TLN2: variants seen among roughly 807,000 people sequenced by gnomAD.
TLN2 encodes the protein talin 2.
In TLN2, 118 loss-of-function variants were observed where a neutral mutation model predicts 294.7. The ratio of observed to expected loss-of-function variants is 0.40; its 90% CI spans 0.34 to 0.47. The LOEUF is 0.47. Ranked by LOEUF, TLN2 falls within the 20% of genes least tolerant of loss-of-function variation. TLN2 has a pLI of 0.84. For missense variants in TLN2, 3,083 were observed against 3,282.2 expected (o/e 0.94, Z 1.48); for synonymous variants, 1,431 against 1,304.5 (o/e 1.10, Z -2.09).
At chr15:62,639,961 G>A (rs7175776) in intron 3 of TLN2, among the ~76,000 whole-genome samples, 11 of 152,302 alleles carry the variant, frequency 7.2e-5, no homozygotes, top group African/African-American at 2.4e-4. Flanking sequence ...GGCATGACTT[G>A]ACTTACCTTC....
intron 19 of TLN2, among the ~76,000 whole-genome samples, chr15:62,706,740 T>TCC (rs1178087908): frequency 4.6e-5 from 7 of 152,234 alleles, no homozygotes; most frequent in East Asian, 3.9e-4. Flanking sequence ...TTTCAGCTTC[T>TCC]CCTGATCTAC....
chr15:62,407,916 C>G (rs1018132312), intron 1 of TLN2, among the ~76,000 whole-genome samples: 9 of 148,742 alleles, frequency 6.1e-5, no homozygotes, highest in Non-Finnish European at 1.0e-4. Context: ...GAGTGAGACT[C>G]TGTCTCAAAA....
chr15:62,431,045 T>C (rs2439712), intron 1 of TLN2, among the ~76,000 whole-genome samples: 140,962 of 152,106 alleles, frequency 0.93, 66,009 homozygotes, highest in East Asian at 1. Flanking sequence ...TCTGGATTCT[T>C]GTTAGAAATA....
intron 43 of TLN2, among the ~76,000 whole-genome samples, chr15:62,778,331 C>T (rs1489121454): frequency 1.3e-5 from 2 of 152,162 alleles, no homozygotes; most frequent in Non-Finnish European, 2.9e-5. Flanking sequence ...TCTGCGGGCC[C>T]TTGGATAAGT....
rs1595934495 is a variant in TLN2 at position 62,770,866 on chromosome 15, C to T, written c.5197-98C>T. On this transcript the variant is annotated intron_variant, in intron 41 of 58. Transcript: ENST00000636159. The stretch of plus-strand genomic sequence containing the variant: ...GATCTGCCTCTCCCTGTGAGTCAGC[C>T]CAGTCCTGTTCCCCTCCCGCGCCTG... 1.5e-5 allele frequency: 21 copies of T among 1,441,322 alleles called. No individual in the cohort carries two copies. The East Asian group carries it at 3.9e-4, about 27-fold the overall frequency. The allele number at this position is 1,441,322 out of a possible 1,614,324, so 89.3% of individuals were successfully genotyped here.
intron 11 of TLN2, among the ~76,000 whole-genome samples, chr15:62,683,229 A>G (rs1048483040): frequency 6.6e-6 from 1 of 152,210 alleles, no homozygotes; most frequent in Non-Finnish European, 1.5e-5. Flanking sequence ...GCATTCCTCC[A>G]TCCAGTTCTG....
rs146029407 is a variant in TLN2, at chr15:62,719,830, G to T, written c.2941G>T (p.Asp981Tyr). ...GVRGSQAQAE[D>Y]LSAQLALIIS... Reference sequence around the variant, plus strand: ...GAGGGGGAGCCAAGCTCAAGCTGAAGACCTGAGTGCCCAGCTGGCTCTCAT... The same window carrying T: ...GAGGGGGAGCCAAGCTCAAGCTGAATACCTGAGTGCCCAGCTGGCTCTCAT... The change falls in exon 25 of 59, where the codon GAC becomes TAC. Residue 981 changes from aspartate (D) to tyrosine (Y), a missense_variant. Asp to Tyr is a radical substitution (Grantham distance 160). Transcript: ENST00000636159. 1 of 1,612,412 alleles carries T rather than the reference G, an allele frequency of 6.2e-7. No homozygotes were observed. The highest frequency in any genetic ancestry group is 1.3e-5 in the African/African-American group (1 of 74,884).
intron 1 of TLN2, among the ~76,000 whole-genome samples, chr15:62,582,653 G>A (rs772696180): frequency 6.6e-6 from 1 of 152,176 alleles, no homozygotes; most frequent in African/African-American, 2.4e-5. Flanking sequence ...GACATAAGGT[G>A]CACTGGCTTA....
At chr15:62,650,220 G>C (rs1283885000) in intron 5 of TLN2, 39 bp downstream of exon 5, 1 of 1,604,948 alleles carries the variant, frequency 6.2e-7, no homozygotes, top group Non-Finnish European at 8.5e-7. Context: ...TCATCCCTTT[G>C]TCCCTGGGCC....
intron 1 of TLN2, among the ~76,000 whole-genome samples, chr15:62,449,737 C>T (rs1028257925): frequency 1.3e-5 from 2 of 152,192 alleles, no homozygotes; most frequent in African/African-American, 4.8e-5. Context: ...GATCAAGCCA[C>T]TCCATCCCAG....
In TLN2 at chr15:62,793,318, C is replaced by T. The variant is rs1346115577; in HGVS notation, c.5883+531C>T. Among the ~76,000 whole-genome samples, 6 of 152,222 alleles carry T rather than the reference C, an allele frequency of 3.9e-5. No homozygotes were observed. The South Asian group carries it at 8.3e-4, about 21-fold the overall frequency. On this transcript the variant is annotated intron_variant, in intron 46 of 58. Transcript: ENST00000636159. ...TTGTGGAGAAGCAGAAACTTGTCCT[C>T]GGTTTTCTGATTCTAAAGACAGTTG...
At chr15:62,504,775 G>A (rs1007720557) in intron 1 of TLN2, among the ~76,000 whole-genome samples, 3 of 151,880 alleles carry the variant, frequency 2.0e-5, no homozygotes, top group Non-Finnish European at 4.4e-5. Flanking sequence ...GCTAAGTGCT[G>A]AGAGGGTAAC....
At chr15:62,813,709 C>T (rs1047970937) in intron 52 of TLN2, among the ~76,000 whole-genome samples, 1 of 151,908 alleles carries the variant, frequency 6.6e-6, no homozygotes, top group Non-Finnish European at 1.5e-5. Context: ...TACAATGTGC[C>T]TAAGTTTAAT....
At chr15:62,724,460 G>A (rs1399758830) in intron 26 of TLN2, among the ~76,000 whole-genome samples, 1 of 152,208 alleles carries the variant, frequency 6.6e-6, no homozygotes, top group Admixed American at 6.5e-5. Flanking sequence ...AGATAAAGTA[G>A]TTTTCATAAA....
chr15:62,612,023 A>G (rs991061072), intron 2 of TLN2, among the ~76,000 whole-genome samples: 2 of 152,046 alleles, frequency 1.3e-5, no homozygotes, highest in Admixed American at 1.3e-4. Context: ...CCTTTCCCCA[A>G]CTTGATGACT....
chr15:62,763,844 C>A, intron 40 of TLN2, 149 bp downstream of exon 40: 1 of 1,277,718 alleles, frequency 7.8e-7, no homozygotes, highest in Non-Finnish European at 1.0e-6. Flanking sequence ...TGGAGCCAAT[C>A]TGGGAACTTT....
chr15:62,453,557 C>T (rs2140325204), intron 1 of TLN2: 1 of 152,320 alleles, frequency 6.6e-6, no homozygotes, highest in African/African-American at 2.4e-5. Flanking sequence ...TGACTGATTG[C>T]ACCAGCTGCT....
At chr15:62,739,805 AT>A (rs933482619) in intron 31 of TLN2, among the ~76,000 whole-genome samples, 9 of 152,194 alleles carry the variant, frequency 5.9e-5, no homozygotes, top group African/African-American at 1.9e-4. Context: ...TAGTCTTACT[AT>A]TTGGAGGGAG....
At chr15:62,759,562 T>C (rs953323636) in intron 37 of TLN2, among the ~76,000 whole-genome samples, 62 of 152,346 alleles carry the variant, frequency 4.1e-4, no homozygotes, top group African/African-American at 1.4e-3. Flanking sequence ...AAGTTCAGCT[T>C]AGGCTTAGTG....
Sources: allele counts gnomAD v4.1 joint callset (sites outside exome capture counted in the v4.1 genomes callset), GRCh38; gene constraint gnomAD v4.1.1; transcripts MANE v1.5; gene names NCBI Gene and HGNC (gene_info 2026-07-23, HGNC 2026-07-21).